The following LARGE1 variants were observed in gnomAD, a reference collection of about 807,000 sequenced individuals.
The protein encoded by LARGE1 is LARGE xylosyl- and glucuronyltransferase 1, also known as xylosyl- and glucuronyltransferase LARGE1.
LARGE1 carries 43 observed loss-of-function variants against 87.6 expected under a neutral mutation model. The observed-to-expected ratio is 0.49, with a 90% CI of 0.38 to 0.63. The LOEUF is 0.63. Among genes scored for constraint, LARGE1 ranks in the 30% least tolerant of loss-of-function variants. The pLI is 0.00. For missense variants in LARGE1, 802 were observed against 1,000.2 expected, an observed-to-expected ratio of 0.80 and a Z score of 2.67; for synonymous variants, 434 against 394.6, an observed-to-expected ratio of 1.10 and a Z score of -1.18.
intron 11 of LARGE1, among the ~76,000 whole-genome samples, chr22:33,247,643 GA>G (rs2145705799): frequency 1.3e-5 from 2 of 152,300 alleles, no homozygotes; most frequent in South Asian, 4.1e-4. Context: ...AATCTTCAGT[GA>G]TAAATCTATT....
chr22:33,339,106 C>T (rs532313915), intron 9 of LARGE1, among the ~76,000 whole-genome samples: 1 of 149,868 alleles, frequency 6.7e-6, no homozygotes, highest in South Asian at 2.1e-4. Context: ...CGAGATTGCA[C>T]CACTGCACTC....
rs1256756511 is a variant in LARGE1, at chr22:33,340,032, GCATT to G, written c.1132-2235_1132-2232del. On this transcript the variant is annotated intron_variant, in intron 9 of 14. Coordinates refer to ENST00000397394, the MANE Select transcript of LARGE1 (RefSeq NM_133642.5). ...CTTAATTTATTATTAATATCTGGTGGCATTCATTGTTAGTATTAAAAATGATTCA... is the reference window on the plus strand; with the variant it reads ...CTTAATTTATTATTAATATCTGGTGGCATTGTTAGTATTAAAAATGATTCA... Among the ~76,000 whole-genome samples, 4 of 148,852 alleles carry G rather than the reference GCATT, an allele frequency of 2.7e-5. No individual in the cohort carries two copies. In the East Asian group the frequency reaches 7.7e-4, roughly 29 times the overall value.
intron 11 of LARGE1, among the ~76,000 whole-genome samples, chr22:33,223,019 A>G (rs1343799935): frequency 6.6e-6 from 1 of 152,128 alleles, no homozygotes; most frequent in African/African-American, 2.4e-5. Flanking sequence ...GCCTGCCCCT[A>G]TCAGGGGAGA....
chr22:33,263,420 A>G (rs769862827), intron 11 of LARGE1, among the ~76,000 whole-genome samples: 13 of 152,226 alleles, frequency 8.5e-5, no homozygotes, highest in Non-Finnish European at 1.5e-4. Context: ...GGCTTTGAAG[A>G]GGTGAGCTGC....
At chr22:33,455,961 C>G (rs965953827) in intron 6 of LARGE1, among the ~76,000 whole-genome samples, 2 of 152,098 alleles carry the variant, frequency 1.3e-5, no homozygotes, top group African/African-American at 4.8e-5. Flanking sequence ...GACCCTCACT[C>G]AGAGACAATA....
chr22:33,356,033 C>T (rs1940859238), intron 9 of LARGE1, among the ~76,000 whole-genome samples: 1 of 56,748 alleles, frequency 1.8e-5, no homozygotes, highest in Admixed American at 2.5e-4. Context: ...CTCTCCCCAT[C>T]CTCCTCCCCA....
intron 1 of LARGE1, among the ~76,000 whole-genome samples, chr22:33,830,639 C>T (rs2062938385): frequency 6.6e-6 from 1 of 152,204 alleles, no homozygotes. Context: ...CTGATACAAG[C>T]AAGCTTATAG....
intron 4 of LARGE1, among the ~76,000 whole-genome samples, 160 bp from the exon 5 acceptor site, chr22:33,604,718 G>A (rs1384744857): frequency 6.6e-6 from 1 of 152,204 alleles, no homozygotes; most frequent in African/African-American, 2.4e-5. Flanking sequence ...TCACTGGTGA[G>A]GCTGCAGGAG....
At chr22:33,515,691 C>A (rs1020636474) in intron 6 of LARGE1, among the ~76,000 whole-genome samples, 1 of 152,280 alleles carries the variant, frequency 6.6e-6, no homozygotes, top group Admixed American at 6.5e-5. Flanking sequence ...GCAGTAGTCC[C>A]CGGACTTAAT....
chr22:33,454,480 G>T (rs2068053666), intron 6 of LARGE1, among the ~76,000 whole-genome samples: 1 of 151,906 alleles, frequency 6.6e-6, no homozygotes, highest in South Asian at 2.1e-4. Flanking sequence ...TTAGTCGGGT[G>T]TGGTGGTACG....
chr22:33,435,247 C>T (rs1043197757), intron 6 of LARGE1, among the ~76,000 whole-genome samples: 3 of 152,176 alleles, frequency 2.0e-5, no homozygotes, highest in Non-Finnish European at 2.9e-5. Flanking sequence ...GGCGATCCTC[C>T]CACCGCAGCC....
At chr22:33,820,718 C>T (rs1185413440) in intron 1 of LARGE1, among the ~76,000 whole-genome samples, 1 of 152,096 alleles carries the variant, frequency 6.6e-6, no homozygotes, top group African/African-American at 2.4e-5. Context: ...AGGCCCTATA[C>T]TTCCTCTCTA....
chr22:33,922,088 C>T (rs751772740), upstream of LARGE1, among the ~76,000 whole-genome samples: 4 of 152,102 alleles, frequency 2.6e-5, no homozygotes, highest in Non-Finnish European at 4.4e-5. Flanking sequence ...CCCAGCCGGG[C>T]GGGCCGCCGG....
chr22:33,609,357 C>G (rs959347666), intron 4 of LARGE1, among the ~76,000 whole-genome samples: 2 of 152,200 alleles, frequency 1.3e-5, no homozygotes, highest in Non-Finnish European at 2.9e-5. Context: ...AGGACACTCT[C>G]AGAGTTAGAT....
intron 11 of LARGE1, among the ~76,000 whole-genome samples, chr22:33,249,469 G>A (rs981253255): frequency 2.6e-5 from 4 of 152,132 alleles, no homozygotes; most frequent in African/African-American, 9.7e-5. Flanking sequence ...TTTTGCAAAT[G>A]TATTCTCCCA....
At chr22:33,166,956 G>A in intron 11 of LARGE1, 1 of 418,662 alleles carries the variant, frequency 2.4e-6, no homozygotes, top group Non-Finnish European at 5.0e-6. Flanking sequence ...CTAAATTTCA[G>A]AGCGAAACTC....
intron 5 of LARGE1, among the ~76,000 whole-genome samples, chr22:33,573,854 G>A (rs754741126): frequency 6.6e-6 from 1 of 151,988 alleles, no homozygotes; most frequent in African/African-American, 2.4e-5. Flanking sequence ...ATACATGCCC[G>A]GCAGTTGATG....
chr22:33,128,391 T>C, the LARGE1 span, among the ~76,000 whole-genome samples: 2 of 152,220 alleles, frequency 1.3e-5, no homozygotes, highest in African/African-American at 4.8e-5. Flanking sequence ...GAAAATGTGG[T>C]AGGCCAGATG....
At chr22:33,501,274 G>A (rs943833845) in intron 6 of LARGE1, among the ~76,000 whole-genome samples, 2 of 152,202 alleles carry the variant, frequency 1.3e-5, no homozygotes, top group South Asian at 2.1e-4. Context: ...GGCAGTGAGC[G>A]GCAGAGGGGC....
Sources: gnomAD v4.1 joint callset for allele counts (sites outside exome capture counted in the v4.1 genomes callset) on GRCh38, gnomAD v4.1.1 for gene constraint, MANE v1.5 for transcripts, NCBI Gene and HGNC (gene_info 2026-07-23, HGNC 2026-07-21) for gene names.